Variants in SIMC1 observed in about 807,000 individuals in gnomAD.
SIMC1 encodes the protein SUMO interacting motifs containing 1.
In SIMC1, 55 loss-of-function variants were observed where a neutral mutation model predicts 82.3. The observed-to-expected ratio is 0.67, with a 90% confidence interval of 0.54 to 0.84. The LOEUF (loss-of-function observed/expected upper bound fraction) is 0.84. Among genes scored for constraint, SIMC1 ranks in the 40% least tolerant of loss-of-function variants. SIMC1 has a pLI of 0.00. For synonymous variants in SIMC1, 353 were observed against 426.3 expected (o/e 0.83, Z 2.12); for missense variants, 915 against 1,107.2 (o/e 0.83, Z 2.46).
At chr5:176,291,127 T>G (rs1318722569) in intron 2 of SIMC1, among the ~76,000 whole-genome samples, 172 bp downstream of exon 2, 1 of 150,706 alleles carries the variant, frequency 6.6e-6, no homozygotes, top group Non-Finnish European at 1.5e-5. Flanking sequence ...TGGGTTCAAA[T>G]TTTAGCCCCA....
intron 1 of SIMC1, among the ~76,000 whole-genome samples, chr5:176,275,270 CTCTG>C (rs1276384281): frequency 8.6e-5 from 13 of 151,566 alleles, no homozygotes; most frequent in South Asian, 2.1e-4. Flanking sequence ...TGATTTGGCT[CTCTG>C]TCTGTTATTG....
chr5:176,307,784 A>C (rs774255990), intron 4 of SIMC1, among the ~76,000 whole-genome samples: 20 of 152,218 alleles, frequency 1.3e-4, no homozygotes, highest in Non-Finnish European at 2.5e-4. Flanking sequence ...AAGTCTCATA[A>C]ATTGCTGATG....
intron 5 of SIMC1, among the ~76,000 whole-genome samples, chr5:176,320,558 C>T (rs1201496856): frequency 6.6e-6 from 1 of 151,866 alleles, no homozygotes; most frequent in Non-Finnish European, 1.5e-5. Flanking sequence ...TTAGTAGAAA[C>T]AGGTTTTCAC....
At chr5:176,308,826 C>A in intron 4 of SIMC1, 1 of 1,217,466 alleles carries the variant, frequency 8.2e-7, no homozygotes, top group Non-Finnish European at 1.2e-6. Context: ...CAGCCTTACA[C>A]ATCTGGACTC....
In SIMC1 at chr5:176,295,029, G is replaced by T; in HGVS notation, c.1432-1G>T. 1 of 1,591,068 alleles carries T rather than the reference G, an allele frequency of 6.3e-7. No homozygotes were observed. Among genetic ancestry groups the T allele is most frequent in the South Asian group, 1.1e-5 (1 of 89,718 alleles). On this transcript the variant is annotated splice_acceptor_variant, in intron 2 of 9. Transcript: ENST00000429602. LOFTEE classifies it high-confidence loss of function. ...AATTTCCTTCTTTTTAATCTCTACA[G>T]AACAAGGGTCAAAAATTAGAACCCA...
intron 1 of SIMC1, among the ~76,000 whole-genome samples, chr5:176,284,367 A>T (rs1763164489): frequency 6.6e-6 from 1 of 152,340 alleles, no homozygotes; most frequent in East Asian, 1.9e-4. Context: ...GGATTAAGAA[A>T]CTCACTCAAA....
chr5:176,269,932 T>A (rs1339918219), intron 1 of SIMC1, among the ~76,000 whole-genome samples: 1 of 151,934 alleles, frequency 6.6e-6, no homozygotes, highest in Non-Finnish European at 1.5e-5. Context: ...TTTTATTTTT[T>A]TTTTTGTAGA....
chr5:176,279,421 C>G (rs922047225), intron 1 of SIMC1, among the ~76,000 whole-genome samples: 2 of 152,120 alleles, frequency 1.3e-5, no homozygotes, highest in African/African-American at 4.8e-5. Flanking sequence ...TTTCAAAAAA[C>G]CAGCTTCTGG....
Position 176,290,711 on chromosome 5 carries a change from C to G in SIMC1, c.1187C>G (p.Ser396Cys), listed in dbSNP as rs147989079. The part of the protein sequence containing the change: ...DISALSSPSC[S>C]PSPQSETPLE... ...TCAGCTCTGTCCTCTCCAAGCTGCT[C>G]TCCCAGCCCACAGTCTGAAACTCCC... The change falls in exon 2 of 10, where the codon TCT becomes TGT. Residue 396 changes from serine (S) to cysteine (C), a missense_variant. Ser to Cys is a moderately radical substitution (Grantham distance 112). This residue lies in a region of SIMC1 where 902 missense variants were observed against 1,040.3 expected (regional missense o/e 0.87). Transcript: ENST00000429602. 1 of 1,613,838 alleles carries G rather than the reference C, an allele frequency of 6.2e-7. No homozygotes were observed. The highest frequency in any genetic ancestry group is 1.1e-5 in the South Asian group (1 of 91,070).
At chr5:176,318,074 C>T (rs551054063) in intron 5 of SIMC1, among the ~76,000 whole-genome samples, 1 of 152,266 alleles carries the variant, frequency 6.6e-6, no homozygotes, top group South Asian at 2.1e-4. Context: ...GGCCCACCAT[C>T]AGTTCGATTA....
chr5:176,343,355 G>A (rs1766234130), intron 9 of SIMC1, among the ~76,000 whole-genome samples: 1 of 152,158 alleles, frequency 6.6e-6, no homozygotes, highest in South Asian at 2.1e-4. Context: ...ATGTGCAACT[G>A]GAAGTCTTCA....
chr5:176,336,955 G>T, intron 8 of SIMC1, 79 bp downstream of exon 8: 2 of 1,601,264 alleles, frequency 1.2e-6, no homozygotes, highest in Admixed American at 1.7e-5. Flanking sequence ...TAGGATTTTA[G>T]CTTAAAACAC....
At chr5:176,248,666 G>T (rs1293442171) in intron 1 of SIMC1, among the ~76,000 whole-genome samples, 1 of 152,102 alleles carries the variant, frequency 6.6e-6, no homozygotes, top group Non-Finnish European at 1.5e-5. Context: ...GTGAGAGAGG[G>T]CATCCTTGTC....
intron 6 of SIMC1, 112 bp from the exon 7 acceptor site, chr5:176,324,517 A>G (rs1765291800): frequency 3.7e-6 from 4 of 1,082,122 alleles, no homozygotes; most frequent in South Asian, 2.0e-5. Flanking sequence ...GCTTTATAAG[A>G]TCCTTTAGTA....
chr5:176,308,324 G>A, intron 4 of SIMC1: 1 of 1,485,536 alleles, frequency 6.7e-7, no homozygotes, highest in Non-Finnish European at 9.4e-7. Flanking sequence ...ATAAGAGGAA[G>A]GACCAAGTAG....
Position 176,282,471 on chromosome 5 carries a change from G to T in SIMC1, c.130-7183G>T, listed in dbSNP as rs536591836. 9.0e-3 allele frequency among the ~76,000 whole-genome samples: 1,377 copies of T among 152,360 alleles called. 8 individuals carry two copies. The highest frequency in any genetic ancestry group is 0.014 in the Non-Finnish European group (935 of 68,030). On this transcript the variant is annotated intron_variant, in intron 1 of 9. Coordinates refer to ENST00000429602, the MANE Select transcript of SIMC1 (RefSeq NM_001308195.2). Reference sequence around the variant, plus strand: ...CGCCCACTGTCTGGCACTCCCCAGTGAGATGAACCCGGTACCTCAGATGGA... The same window carrying T: ...CGCCCACTGTCTGGCACTCCCCAGTTAGATGAACCCGGTACCTCAGATGGA...
At chr5:176,328,290 A>T (rs1275294057) in intron 7 of SIMC1, among the ~76,000 whole-genome samples, 5 of 152,182 alleles carry the variant, frequency 3.3e-5, no homozygotes, top group Non-Finnish European at 5.9e-5. Flanking sequence ...AAAAAATGAT[A>T]AAAATATACA....
intron 1 of SIMC1, among the ~76,000 whole-genome samples, chr5:176,265,453 C>T (rs1762169402): frequency 6.6e-6 from 1 of 152,216 alleles, no homozygotes. Context: ...CTCGGGTCAG[C>T]AGTTTGCTGG....
chr5:176,319,705 T>A (rs1173595590), intron 5 of SIMC1, among the ~76,000 whole-genome samples: 1 of 152,210 alleles, frequency 6.6e-6, no homozygotes, highest in Non-Finnish European at 1.5e-5. Context: ...TCTTCTTTCC[T>A]GGATCCATGT....
Sources: allele counts gnomAD v4.1 joint callset (sites outside exome capture counted in the v4.1 genomes callset), GRCh38; gene constraint gnomAD v4.1.1; regional missense constraint gnomAD v4.1.1; transcripts MANE v1.5; gene names NCBI Gene and HGNC (gene_info 2026-07-23, HGNC 2026-07-21).